The following EXOC6B variants were observed in gnomAD, a reference collection of about 807,000 sequenced individuals.
EXOC6B encodes exocyst complex component 6B.
In EXOC6B, 54 loss-of-function variants were observed where a neutral mutation model predicts 113.5. The observed-to-expected ratio is 0.48, with a 90% CI of 0.38 to 0.60. The LOEUF (loss-of-function observed/expected upper bound fraction) is 0.60. EXOC6B is among the 20% of genes least tolerant of loss of function. The probability of loss-of-function intolerance (pLI) is 0.00; values close to 1 mark genes in which losing one functional copy is unlikely to be tolerated. For synonymous variants in EXOC6B, 357 were observed against 339.0 expected (o/e 1.05, Z -0.58); for missense variants, 797 against 977.5 (o/e 0.82, Z 2.46).
intron 18 of EXOC6B, among the ~76,000 whole-genome samples, chr2:72,427,419 T>C (rs1410465879): frequency 6.6e-6 from 1 of 152,096 alleles, no homozygotes; most frequent in East Asian, 1.9e-4. Context: ...CTCAGGGGTG[T>C]CTGCTCCCAT....
intron 19 of EXOC6B, among the ~76,000 whole-genome samples, chr2:72,336,836 G>A (rs936257309): frequency 5.3e-5 from 8 of 151,846 alleles, no homozygotes; most frequent in South Asian, 4.2e-4. Context: ...GTGAAATCCC[G>A]TCTCTACTAA....
At chr2:72,727,388 T>C (rs1216616150) in intron 5 of EXOC6B, among the ~76,000 whole-genome samples, 1 of 152,076 alleles carries the variant, frequency 6.6e-6, no homozygotes, top group Non-Finnish European at 1.5e-5. Flanking sequence ...CCTGTAATCT[T>C]CAAAAGTAAT....
At chr2:72,344,765 T>C (rs576587561) in intron 19 of EXOC6B, among the ~76,000 whole-genome samples, 1 of 151,978 alleles carries the variant, frequency 6.6e-6, no homozygotes, top group Admixed American at 6.6e-5. Context: ...TGCTTTTGAA[T>C]GTCCTAGTCT....
In EXOC6B at chr2:72,550,908, A is replaced by T. The variant is rs1014450583; in HGVS notation, c.915+8545T>A. Among the ~76,000 whole-genome samples the T allele has an allele frequency of 4.1e-3, 582 of 141,190 alleles. 6 individuals carry two copies. The highest frequency in any genetic ancestry group is 0.014 in the African/African-American group (539 of 38,422). 92.6% of individuals were successfully genotyped at this position (141,190 alleles called of 152,430 possible). ...AACAATTACGAGATAACTGCCATTTATTTTTTTTTTATTTTTTTTTTTTTT... is the reference window on the plus strand; with the variant it reads ...AACAATTACGAGATAACTGCCATTTTTTTTTTTTTTATTTTTTTTTTTTTT... On this transcript the variant is annotated intron_variant, in intron 8 of 21. Transcript: ENST00000272427.
intron 6 of EXOC6B, among the ~76,000 whole-genome samples, chr2:72,674,287 T>C (rs1265299226): frequency 6.6e-6 from 1 of 152,194 alleles, no homozygotes. Flanking sequence ...GACACCATCC[T>C]TCTGAGATTT....
chr2:72,213,822 C>T (rs1490464816), intron 20 of EXOC6B, among the ~76,000 whole-genome samples: 1 of 152,080 alleles, frequency 6.6e-6, no homozygotes, highest in Non-Finnish European at 1.5e-5. Flanking sequence ...AAGAAGTTTC[C>T]ATGCCAGAAA....
intron 6 of EXOC6B, among the ~76,000 whole-genome samples, chr2:72,712,113 T>G (rs79583783): frequency 6.6e-6 from 1 of 152,152 alleles, no homozygotes; most frequent in Non-Finnish European, 1.5e-5. Context: ...CCCAGGTATA[T>G]TGGAAGAAAG....
intron 6 of EXOC6B, among the ~76,000 whole-genome samples, chr2:72,578,977 A>C (rs1705040282): frequency 6.6e-6 from 1 of 152,132 alleles, no homozygotes; most frequent in Non-Finnish European, 1.5e-5. Context: ...ATAATGGATC[A>C]GCTTTACAAT....
chr2:72,187,410 A>G (rs1382914368), intron 20 of EXOC6B, among the ~76,000 whole-genome samples: 2 of 151,920 alleles, frequency 1.3e-5, no homozygotes, highest in African/African-American at 4.8e-5. Flanking sequence ...TCCTGCGACC[A>G]GGAAGAATGA....
chr2:72,334,987 T>A lies in EXOC6B; in HGVS notation c.2156A>T (p.Gln719Leu). ...GAAGGCCAACTGCAGCGTGTCCTCC[T>A]GGAACCCAGGCACCGGGCCGGATCT... ...FARSGPVPGF[Q>L]EDTLQLAFID... Residue 719 changes from glutamine (Q) to leucine (L), a missense_variant, in exon 20 of 22, where the codon CAG becomes CTG. Physicochemically the swap from Gln to Leu is moderately radical, Grantham distance 113. Coordinates refer to ENST00000272427, the MANE Select transcript of EXOC6B (RefSeq NM_015189.3). 1.2e-6 allele frequency: 2 copies of A among 1,613,396 alleles called. No homozygotes were observed. Among genetic ancestry groups the A allele is most frequent in the Non-Finnish European group, 1.7e-6 (2 of 1,179,514 alleles).
At chr2:72,612,493 TA>T (rs369181673) in intron 6 of EXOC6B, among the ~76,000 whole-genome samples, 6 of 147,636 alleles carry the variant, frequency 4.1e-5, no homozygotes, top group Admixed American at 6.8e-5. Context: ...TGCGCTTAAG[TA>T]AAAAAAAAAA....
At chr2:72,604,105 G>A (rs1299613050) in intron 6 of EXOC6B, among the ~76,000 whole-genome samples, 1 of 152,068 alleles carries the variant, frequency 6.6e-6, no homozygotes, top group African/African-American at 2.4e-5. Flanking sequence ...ATTTGACACT[G>A]ACGGAAGTTT....
At chr2:72,600,259 A>G (rs1024345308) in intron 6 of EXOC6B, among the ~76,000 whole-genome samples, 1 of 151,944 alleles carries the variant, frequency 6.6e-6, no homozygotes, top group African/African-American at 2.4e-5. Context: ...TGGGCAATAT[A>G]GTGAGACCCT....
At position 72,508,592 on chromosome 2, in the gene EXOC6B, C is replaced by T. The variant is rs1337453758; in HGVS notation, c.1167+4540G>A. ...TTCAAGACCAGCCTGGCCAACATGG[C>T]GAAATCCCATCTCTACTAAAAATAC... On this transcript the variant is annotated intron_variant, in intron 11 of 21. Transcript: ENST00000272427. Among the ~76,000 whole-genome samples, 5 of 151,906 alleles carry T rather than the reference C, an allele frequency of 3.3e-5. No homozygotes were observed. In the East Asian group the frequency reaches 7.8e-4, roughly 24 times the overall value.
chr2:72,618,025 A>G (rs1182829743), intron 6 of EXOC6B, among the ~76,000 whole-genome samples: 1 of 152,122 alleles, frequency 6.6e-6, no homozygotes, highest in East Asian at 1.9e-4. Context: ...GGGGACTGAT[A>G]ATGTTGAAAT....
intron 7 of EXOC6B, among the ~76,000 whole-genome samples, chr2:72,568,890 A>T (rs1050502112): frequency 6.6e-6 from 1 of 151,926 alleles, no homozygotes; most frequent in Admixed American, 6.6e-5. Flanking sequence ...ACAAGACCTG[A>T]AAAGAGAGGT....
At chr2:72,540,542 T>C (rs1055986003) in intron 8 of EXOC6B, among the ~76,000 whole-genome samples, 1 of 152,234 alleles carries the variant, frequency 6.6e-6, no homozygotes, top group Non-Finnish European at 1.5e-5. Context: ...GAGAATAGGA[T>C]AATTGCTTAC....
intron 20 of EXOC6B, among the ~76,000 whole-genome samples, chr2:72,219,622 G>A (rs558119317): frequency 1.7e-3 from 252 of 152,088 alleles, no homozygotes; most frequent in African/African-American, 6.0e-3. Flanking sequence ...AGTCAAACAG[G>A]AAGAGGAAGG....
chr2:72,493,400 T>C (rs573997446), intron 15 of EXOC6B, among the ~76,000 whole-genome samples: 1 of 148,414 alleles, frequency 6.7e-6, no homozygotes, highest in South Asian at 2.1e-4. Context: ...CAGAAGTATT[T>C]TGCAGTAATT....
Sources: allele counts gnomAD v4.1 joint callset (sites outside exome capture counted in the v4.1 genomes callset), GRCh38; gene constraint gnomAD v4.1.1; transcripts MANE v1.5; gene names NCBI Gene and HGNC (gene_info 2026-07-23, HGNC 2026-07-21).